HFM1: variants seen among roughly 807,000 people sequenced by gnomAD.
HFM1 encodes the protein helicase for meiosis 1.
A neutral mutation model predicts 192.1 loss-of-function variants in HFM1; 169 were observed. The ratio of observed to expected loss-of-function variants is 0.88; its 90% CI spans 0.78 to 1.00. The LOEUF (loss-of-function observed/expected upper bound fraction) is 1.00. HFM1 is among the 50% of genes least tolerant of loss of function. The pLI is 0.00. For missense variants in HFM1, 1,661 were observed against 1,668.0 expected (o/e 1.00, Z 0.07); for synonymous variants, 525 against 537.8 (o/e 0.98, Z 0.33).
chr1:91,328,242 G>A, intron 20 of HFM1: 1 of 539,782 alleles, frequency 1.9e-6, no homozygotes, highest in South Asian at 4.2e-5. Context: ...GAAAAAGAAG[G>A]GCTGAGTGTC....
intron 30 of HFM1, among the ~76,000 whole-genome samples, chr1:91,286,014 A>T (rs1667933823): frequency 6.6e-6 from 1 of 152,220 alleles, no homozygotes; most frequent in South Asian, 2.1e-4. Context: ...AAAGCACAAG[A>T]GTAGCAATGC....
chr1:91,343,913 T>C, intron 19 of HFM1, among the ~76,000 whole-genome samples: 1 of 152,234 alleles, frequency 6.6e-6, no homozygotes, highest in Non-Finnish European at 1.5e-5. Context: ...CACTTTGCTA[T>C]CTGCCCTCCA....
rs1380518690 is a variant in HFM1 at position 91,401,065 on chromosome 1, A to G, written c.18T>C (p.Asp6=). Residue 6 remains aspartate, a synonymous_variant, in exon 2 of 39, where the codon GAT becomes GAC. Coordinates refer to ENST00000370425, the MANE Select transcript of HFM1 (RefSeq NM_001017975.6). ...ACAAATTTTCCAAAGAAAACAGGCA[A>G]TCATTTGATTTCAGCATTGTTGAAA... is the stretch of plus-strand genomic sequence containing the variant. MLKSN[D]CLFSLENLFF... 1 of 1,553,594 alleles carries G rather than the reference A, an allele frequency of 6.4e-7. No individual in the cohort carries two copies. Among genetic ancestry groups the G allele is most frequent in the Non-Finnish European group, 8.7e-7 (1 of 1,154,144 alleles).
chr1:91,332,156 A>C (rs1653927213), intron 20 of HFM1, among the ~76,000 whole-genome samples: 1 of 152,200 alleles, frequency 6.6e-6, no homozygotes, highest in Non-Finnish European at 1.5e-5. Context: ...AAGCTAGTCT[A>C]AGCAAAAAGA....
intron 4 of HFM1, among the ~76,000 whole-genome samples, chr1:91,387,525 A>G (rs1662370994): frequency 6.6e-6 from 1 of 151,902 alleles, no homozygotes; most frequent in Non-Finnish European, 1.5e-5. Context: ...TCGCCTTAGG[A>G]CACCTGCGTT....
chr1:91,395,201 C>T (rs1402932263), intron 3 of HFM1, among the ~76,000 whole-genome samples: 1 of 152,046 alleles, frequency 6.6e-6, no homozygotes, highest in Non-Finnish European at 1.5e-5. Context: ...TAATCTTCTG[C>T]ATCTAGCTTT....
At chr1:91,306,383 G>A (rs909176912) in intron 30 of HFM1, among the ~76,000 whole-genome samples, 2 of 152,070 alleles carry the variant, frequency 1.3e-5, no homozygotes, top group African/African-American at 4.8e-5. Flanking sequence ...TTTCTAGTTT[G>A]CTAAGAGTTT....
chr1:91,351,311 GT>G (rs1005026846), intron 17 of HFM1, among the ~76,000 whole-genome samples: 1 of 151,460 alleles, frequency 6.6e-6, no homozygotes, highest in Non-Finnish European at 1.5e-5. Flanking sequence ...ACAAATTAGG[GT>G]TTGTTATAAA....
At chr1:91,283,989 T>C (rs1244303107) in intron 30 of HFM1, among the ~76,000 whole-genome samples, 1 of 152,084 alleles carries the variant, frequency 6.6e-6, no homozygotes, top group Non-Finnish European at 1.5e-5. Flanking sequence ...GGTTTTACTT[T>C]TTTTAATGAT....
At chr1:91,317,605 A>G (rs72968476) in intron 25 of HFM1, among the ~76,000 whole-genome samples, 1 of 152,292 alleles carries the variant, frequency 6.6e-6, no homozygotes, top group African/African-American at 2.4e-5. Flanking sequence ...TAAGGCACAT[A>G]TATTACATGT....
chr1:91,288,741 G>C (rs987375197), intron 30 of HFM1, among the ~76,000 whole-genome samples: 2 of 152,182 alleles, frequency 1.3e-5, no homozygotes, highest in African/African-American at 4.8e-5. Context: ...ATTTTTCTTA[G>C]TACAGAATAA....
At chr1:91,319,679 C>A (rs1173035284) in intron 23 of HFM1, among the ~76,000 whole-genome samples, 2 of 152,086 alleles carry the variant, frequency 1.3e-5, no homozygotes, top group Non-Finnish European at 2.9e-5. Flanking sequence ...ATTATAATCT[C>A]TAGATTGATA....
chr1:91,351,523 C>T, intron 17 of HFM1, 26 bp downstream of exon 17: 1 of 1,190,538 alleles, frequency 8.4e-7, no homozygotes. Flanking sequence ...GCATTAGTAT[C>T]TTTTTGGAAC....
intron 13 of HFM1, among the ~76,000 whole-genome samples, chr1:91,374,624 T>A (rs1436984905): frequency 6.6e-6 from 1 of 152,058 alleles, no homozygotes; most frequent in Non-Finnish European, 1.5e-5. Flanking sequence ...AAGGAGATAA[T>A]GTATAATTAA....
At chr1:91,371,183 T>C (rs1256265868) in intron 13 of HFM1, among the ~76,000 whole-genome samples, 1 of 152,120 alleles carries the variant, frequency 6.6e-6, no homozygotes, top group Non-Finnish European at 1.5e-5. Context: ...AATTTATAGA[T>C]TCAATGCCAT....
chr1:91,327,591 A>C (rs537401474), intron 20 of HFM1, among the ~76,000 whole-genome samples: 1 of 152,308 alleles, frequency 6.6e-6, no homozygotes, highest in South Asian at 2.1e-4. Context: ...AAAATCGACA[A>C]AGAAACATCA....
intron 30 of HFM1, among the ~76,000 whole-genome samples, chr1:91,306,424 T>G (rs1649618901): frequency 6.6e-6 from 1 of 152,202 alleles, no homozygotes; most frequent in South Asian, 2.1e-4. Context: ...CTGAATTTTG[T>G]CAAACTTTTT....
At chr1:91,380,333 T>A in intron 7 of HFM1, 97 bp from the exon 8 acceptor site, 2 of 718,710 alleles carry the variant, frequency 2.8e-6, no homozygotes, top group Non-Finnish European at 4.2e-6. Flanking sequence ...ATCTAAGGAA[T>A]AATAGTTCAA....
chr1:91,343,533 T>C (rs1655687309), intron 19 of HFM1, 23 bp from the exon 20 acceptor site: 7 of 990,002 alleles, frequency 7.1e-6, no homozygotes, highest in South Asian at 1.8e-5. Context: ...AGAAAACACA[T>C]TTTAATTTTA....
Sources: allele counts gnomAD v4.1 joint callset (sites outside exome capture counted in the v4.1 genomes callset), GRCh38; gene constraint gnomAD v4.1.1; transcripts MANE v1.5; gene names NCBI Gene and HGNC (gene_info 2026-07-23, HGNC 2026-07-21).